The following SH3RF1 variants were observed in gnomAD, a reference collection of about 807,000 sequenced individuals.
The protein encoded by SH3RF1 is E3 ubiquitin-protein ligase SH3RF1.
A neutral mutation model predicts 74.0 loss-of-function variants in SH3RF1; 32 were observed. That is an observed-to-expected ratio of 0.43 (90% CI 0.33 to 0.58). SH3RF1 has a LOEUF of 0.58. Ranked by LOEUF, SH3RF1 falls within the 20% of genes least tolerant of loss-of-function variation. The probability of loss-of-function intolerance (pLI) is 0.05; values close to 1 mark genes in which losing one functional copy is unlikely to be tolerated. For synonymous variants in SH3RF1, 396 were observed against 439.6 expected (o/e 0.90, Z 1.24); for missense variants, 954 against 1,130.9 (o/e 0.84, Z 2.24).
intron 2 of SH3RF1, among the ~76,000 whole-genome samples, chr4:169,239,515 C>G (rs1305438403): frequency 6.6e-6 from 1 of 152,096 alleles, no homozygotes; most frequent in Non-Finnish European, 1.5e-5. Flanking sequence ...AATAACTGTT[C>G]AAAGTTAACT....
At chr4:169,131,627 G>A (rs1733622723) in intron 5 of SH3RF1, among the ~76,000 whole-genome samples, 1 of 152,210 alleles carries the variant, frequency 6.6e-6, no homozygotes, top group South Asian at 2.1e-4. Flanking sequence ...GAACTAAACT[G>A]AAAAGAAAAC....
intron 2 of SH3RF1, among the ~76,000 whole-genome samples, chr4:169,268,293 T>C (rs1391071372): frequency 6.6e-6 from 1 of 152,214 alleles, no homozygotes; most frequent in Admixed American, 6.5e-5. Flanking sequence ...CTCTGCTACC[T>C]GTAGCCATGA....
chr4:169,147,650 T>C (rs1262981462), intron 4 of SH3RF1, among the ~76,000 whole-genome samples: 4 of 152,240 alleles, frequency 2.6e-5, no homozygotes, highest in African/African-American at 9.6e-5. Flanking sequence ...ACATTATCAC[T>C]AAACTTTATT....
chr4:169,190,781 A>G (rs961348690), intron 2 of SH3RF1, among the ~76,000 whole-genome samples: 12 of 152,158 alleles, frequency 7.9e-5, no homozygotes, highest in African/African-American at 2.4e-4. Flanking sequence ...AAAGAAAACT[A>G]CAGACCAATA....
At chr4:169,101,146 T>C (rs751816193) in intron 11 of SH3RF1, among the ~76,000 whole-genome samples, 3 of 152,250 alleles carry the variant, frequency 2.0e-5, no homozygotes, top group Non-Finnish European at 4.4e-5. Context: ...AAGGATGAGA[T>C]GATGCTAAAT....
Position 169,130,164 on chromosome 4 carries a change from G to A in SH3RF1, c.1069-8C>T, listed in dbSNP as rs759013706. The A allele has an allele frequency of 4.6e-6, 7 of 1,532,586 alleles. No homozygotes were observed. The highest frequency in any genetic ancestry group is 1.4e-5 in the African/African-American group (1 of 70,320). 94.9% of individuals were successfully genotyped at this position (1,532,586 alleles called of 1,614,324 possible). ...GGTGGTACTTATATGAACCTGCCGAGAAAAGAAAAGTTATTAAAAAGAAGA... is the reference window on the plus strand; with the variant it reads ...GGTGGTACTTATATGAACCTGCCGAAAAAAGAAAAGTTATTAAAAAGAAGA... On this transcript the variant is annotated splice_polypyrimidine_tract_variant and splice_region_variant and intron_variant, in intron 5 of 11. Coordinates refer to ENST00000284637, the MANE Select transcript of SH3RF1 (RefSeq NM_020870.4).
intron 4 of SH3RF1, among the ~76,000 whole-genome samples, chr4:169,139,197 C>A (rs1561034160): frequency 1.3e-5 from 2 of 152,272 alleles, no homozygotes; most frequent in South Asian, 4.2e-4. Context: ...CTGTCTCAGC[C>A]TTTCAAAGTG....
chr4:169,169,331 T>A (rs1289315457), intron 2 of SH3RF1, among the ~76,000 whole-genome samples: 1 of 152,132 alleles, frequency 6.6e-6, no homozygotes, highest in African/African-American at 2.4e-5. Context: ...GTGCAGCAGC[T>A]CACACCTGTA....
intron 2 of SH3RF1, among the ~76,000 whole-genome samples, chr4:169,173,656 C>T (rs1442308168): frequency 6.6e-6 from 1 of 152,028 alleles, no homozygotes; most frequent in African/African-American, 2.4e-5. Context: ...CTGGAGAAAA[C>T]AATAAAAGCC....
In SH3RF1 at chr4:169,096,350, T is replaced by A; in HGVS notation, c.*169A>T. On this transcript the variant is annotated 3_prime_UTR_variant, in exon 12 of 12. Coordinates refer to ENST00000284637, the MANE Select transcript of SH3RF1 (RefSeq NM_020870.4). ...GACTAACAAAACCCACACAAACATCTTCTTCATTCTGCTCGCTGGGGTAAC... is the reference window on the plus strand; with the variant it reads ...GACTAACAAAACCCACACAAACATCATCTTCATTCTGCTCGCTGGGGTAAC... 3.1e-6 allele frequency: 2 copies of A among 655,730 alleles called. No homozygotes were observed. The allele number at this position is 655,730 out of a possible 1,614,324, so 40.6% of individuals were successfully genotyped here. A position where few individuals can be genotyped will look rare whatever the true frequency, so the allele number is the denominator to read the frequency against.
chr4:169,234,883 A>G (rs1473142080), intron 2 of SH3RF1, among the ~76,000 whole-genome samples: 4 of 152,010 alleles, frequency 2.6e-5, no homozygotes, highest in Non-Finnish European at 1.5e-5. Flanking sequence ...GACGCACAGC[A>G]TTTCTGGCTT....
chr4:169,104,897 A>C (rs1424745500), intron 11 of SH3RF1, among the ~76,000 whole-genome samples: 3 of 143,482 alleles, frequency 2.1e-5, no homozygotes, highest in Non-Finnish European at 4.6e-5. Flanking sequence ...TGAGACTCCC[A>C]TCTCAAAAAA....
At chr4:169,171,629 ATG>A (rs1738290902) in intron 2 of SH3RF1, among the ~76,000 whole-genome samples, 1 of 152,234 alleles carries the variant, frequency 6.6e-6, no homozygotes, top group Non-Finnish European at 1.5e-5. Context: ...ACTGTTAAAT[ATG>A]TGTCTGAACA....
chr4:169,211,286 T>A (rs1033561772), intron 2 of SH3RF1, among the ~76,000 whole-genome samples: 9 of 151,810 alleles, frequency 5.9e-5, no homozygotes, highest in Admixed American at 5.9e-4. Context: ...ATCGAGACCA[T>A]CCTGGCTAAC....
chr4:169,106,781 A>G, intron 11 of SH3RF1, 66 bp downstream of exon 11: 2 of 1,284,008 alleles, frequency 1.6e-6, no homozygotes, highest in South Asian at 3.1e-5. Flanking sequence ...AAATATCACA[A>G]TAATGTTCCA....
chr4:169,203,552 A>AG (rs1734945620), intron 2 of SH3RF1, among the ~76,000 whole-genome samples: 1 of 149,278 alleles, frequency 6.7e-6, no homozygotes, highest in Non-Finnish European at 1.5e-5. Flanking sequence ...CCCTGTCTCA[A>AG]GAAAAAAAAA....
chr4:169,228,204 A>G (rs1730680327), intron 2 of SH3RF1, among the ~76,000 whole-genome samples: 1 of 152,232 alleles, frequency 6.6e-6, no homozygotes, highest in Non-Finnish European at 1.5e-5. Context: ...ACAGGCAGAT[A>G]GTCTTCAAAC....
chr4:169,129,712 T>C (rs543560436), intron 6 of SH3RF1, among the ~76,000 whole-genome samples: 1 of 152,378 alleles, frequency 6.6e-6, no homozygotes, highest in South Asian at 2.1e-4. Context: ...TTCATAAATG[T>C]GTCCTTATAA....
chr4:169,211,851 C>T (rs1322536744), intron 2 of SH3RF1, among the ~76,000 whole-genome samples: 1 of 152,160 alleles, frequency 6.6e-6, no homozygotes, highest in African/African-American at 2.4e-5. Flanking sequence ...TGGATAACTG[C>T]ACTCCTGACA....
Sources: gnomAD v4.1 joint callset for allele counts (sites outside exome capture counted in the v4.1 genomes callset) on GRCh38, gnomAD v4.1.1 for gene constraint, MANE v1.5 for transcripts, NCBI Gene and HGNC (gene_info 2026-07-23, HGNC 2026-07-21) for gene names.